Variants in TSHZ2 observed in about 807,000 individuals in gnomAD.
The protein encoded by TSHZ2 is teashirt homolog 2.
TSHZ2 carries 21 observed loss-of-function variants against 74.4 expected under a neutral mutation model. The ratio of observed to expected loss-of-function variants is 0.28; its 90% CI spans 0.20 to 0.41. The LOEUF (loss-of-function observed/expected upper bound fraction) is 0.41, where lower values mean the gene tolerates loss of function less well. TSHZ2 is among the 10% of genes least tolerant of loss of function. The pLI is 1.00. For synonymous variants in TSHZ2, 540 were observed against 515.3 expected (o/e 1.05, Z -0.65); for missense variants, 1,244 against 1,293.5 (o/e 0.96, Z 0.59).
intron 1 of TSHZ2, among the ~76,000 whole-genome samples, chr20:53,133,608 A>G (rs1346011760): frequency 6.6e-6 from 1 of 152,196 alleles, no homozygotes; most frequent in Non-Finnish European, 1.5e-5. Flanking sequence ...AAATACATAT[A>G]TTTACATTTT....
At chr20:53,075,377 C>A (rs1253138189) in intron 1 of TSHZ2, among the ~76,000 whole-genome samples, 1 of 152,150 alleles carries the variant, frequency 6.6e-6, no homozygotes, top group East Asian at 1.9e-4. Context: ...CAGATATTTT[C>A]ATCATTAAAA....
At chr20:53,136,446 TAAC>T (rs567594933) in intron 1 of TSHZ2, among the ~76,000 whole-genome samples, 38 of 152,144 alleles carry the variant, frequency 2.5e-4, no homozygotes, top group African/African-American at 8.9e-4. Context: ...CTGGGAATAA[TAAC>T]TCCTTCCACC....
At chr20:53,204,539 G>T (rs1183588370) in intron 1 of TSHZ2, among the ~76,000 whole-genome samples, 1 of 151,908 alleles carries the variant, frequency 6.6e-6, no homozygotes, top group Non-Finnish European at 1.5e-5. Flanking sequence ...TGAAGCATAT[G>T]AAATTCCATG....
chr20:53,149,183 T>G (rs1305147218), intron 1 of TSHZ2, among the ~76,000 whole-genome samples: 4 of 152,054 alleles, frequency 2.6e-5, no homozygotes, highest in African/African-American at 9.7e-5. Context: ...TTTAGGGTTT[T>G]TTTTTTTTTT....
rs376442791 is a variant in TSHZ2 at position 53,451,399 on chromosome 20, T to C, written c.*9-35745T>C. On this transcript the variant is annotated intron_variant, in intron 2 of 2. Transcript: ENST00000371497. ...AAAGCAATAATTATTTTATTCTCAA[T>C]GTCTGTGCTAACCTCAATGACTTAG... 7.2e-5 allele frequency among the ~76,000 whole-genome samples: 11 copies of C among 152,358 alleles called. No individual in the cohort carries two copies. In the East Asian group the frequency reaches 1.7e-3, roughly 24 times the overall value.
chr20:53,070,104 TC>T (rs1985124938), intron 1 of TSHZ2, among the ~76,000 whole-genome samples: 1 of 152,226 alleles, frequency 6.6e-6, no homozygotes, highest in Non-Finnish European at 1.5e-5. Flanking sequence ...AAGAAAAACT[TC>T]ATGAAAGACC....
intron 2 of TSHZ2, among the ~76,000 whole-genome samples, chr20:53,450,060 CAATG>C (rs1984714394): frequency 6.6e-6 from 1 of 152,350 alleles, no homozygotes; most frequent in East Asian, 1.9e-4. Context: ...AGAAATACAT[CAATG>C]AATGAACATA....
At chr20:53,420,450 C>T (rs1344839328) in intron 2 of TSHZ2, among the ~76,000 whole-genome samples, 2 of 152,198 alleles carry the variant, frequency 1.3e-5, no homozygotes, top group Non-Finnish European at 2.9e-5. Context: ...AAAAAGTGGG[C>T]CAGGCGCGGT....
At chr20:53,043,416 A>G (rs940386750) in intron 1 of TSHZ2, among the ~76,000 whole-genome samples, 6 of 152,164 alleles carry the variant, frequency 3.9e-5, no homozygotes, top group African/African-American at 1.2e-4. Flanking sequence ...AATATTATCA[A>G]TTACACAGAA....
intron 2 of TSHZ2, among the ~76,000 whole-genome samples, chr20:53,444,089 C>T (rs1440735660): frequency 2.6e-5 from 4 of 152,148 alleles, no homozygotes; most frequent in African/African-American, 7.2e-5. Flanking sequence ...GGGACTAAAA[C>T]CAGGATGAGA....
chr20:53,240,586 T>C (rs535452354), intron 1 of TSHZ2, among the ~76,000 whole-genome samples: 2 of 152,242 alleles, frequency 1.3e-5, no homozygotes, highest in Admixed American at 1.3e-4. Context: ...CCATGCCTAA[T>C]AATCCTCCTC....
At chr20:53,354,189 T>C (rs1333932879) in intron 2 of TSHZ2, among the ~76,000 whole-genome samples, 8 of 152,178 alleles carry the variant, frequency 5.3e-5, no homozygotes, top group Non-Finnish European at 1.5e-5. Flanking sequence ...CGTAGAATTA[T>C]GGGGTAGAGA....
chr20:53,468,059 C>A (rs531779079), intron 2 of TSHZ2, among the ~76,000 whole-genome samples: 12 of 152,206 alleles, frequency 7.9e-5, no homozygotes, highest in Non-Finnish European at 1.5e-4. Flanking sequence ...TTACTTAACA[C>A]TGGGCTCCAT....
At chr20:52,998,955 T>G (rs771859521) in intron 1 of TSHZ2, among the ~76,000 whole-genome samples, 1 of 152,218 alleles carries the variant, frequency 6.6e-6, no homozygotes, top group African/African-American at 2.4e-5. Flanking sequence ...GAACTACTAT[T>G]TTTAAGCACT....
chr20:52,991,110 T>C (rs1310220316), intron 1 of TSHZ2, among the ~76,000 whole-genome samples: 1 of 152,058 alleles, frequency 6.6e-6, no homozygotes, highest in Non-Finnish European at 1.5e-5. Context: ...ATGAAAAGCT[T>C]TTCTGATGCA....
At chr20:53,415,413 C>T (rs541605422) in intron 2 of TSHZ2, among the ~76,000 whole-genome samples, 80 of 152,156 alleles carry the variant, frequency 5.3e-4, no homozygotes, top group African/African-American at 1.8e-3. Flanking sequence ...GGCCCCAGGC[C>T]CCTCATTGCC....
intron 1 of TSHZ2, among the ~76,000 whole-genome samples, chr20:53,162,961 T>C (rs771119806): frequency 5.3e-5 from 8 of 152,230 alleles, no homozygotes; most frequent in Non-Finnish European, 1.2e-4. Context: ...GTTTCCATCA[T>C]AATAATTGTT....
intron 1 of TSHZ2, among the ~76,000 whole-genome samples, chr20:52,980,398 A>G (rs958480982): frequency 1.3e-5 from 2 of 151,970 alleles, no homozygotes; most frequent in African/African-American, 4.8e-5. Flanking sequence ...TGTTTCCACA[A>G]CACTGCTAGA....
At chr20:53,331,479 C>T (rs1979719051) in intron 2 of TSHZ2, among the ~76,000 whole-genome samples, 1 of 152,086 alleles carries the variant, frequency 6.6e-6, no homozygotes, top group African/African-American at 2.4e-5. Flanking sequence ...CCAGGTGGCA[C>T]CGCCAACCAT....
Sources: gnomAD v4.1 joint callset for allele counts (sites outside exome capture counted in the v4.1 genomes callset) on GRCh38, gnomAD v4.1.1 for gene constraint, MANE v1.5 for transcripts, NCBI Gene and HGNC (gene_info 2026-07-23, HGNC 2026-07-21) for gene names.